The following MRPS9 variants were observed in gnomAD, a reference collection of about 807,000 sequenced individuals.
The protein encoded by MRPS9 is small ribosomal subunit protein uS9m.
Under a neutral mutation model 59.9 loss-of-function variants are expected in MRPS9, and 45 were observed. The ratio of observed to expected loss-of-function variants is 0.75; its 90% confidence interval spans 0.59 to 0.96. MRPS9 has a LOEUF of 0.96. Among genes scored for constraint, MRPS9 ranks in the 40% least tolerant of loss-of-function variants. The pLI is 0.00. For synonymous variants in MRPS9, 171 were observed against 166.8 expected, an observed-to-expected ratio of 1.03 and a Z score of -0.19; for missense variants, 473 against 481.1, an observed-to-expected ratio of 0.98 and a Z score of 0.16.
At chr2:105,075,164 C>T (rs1680185224) in intron 4 of MRPS9, among the ~76,000 whole-genome samples, 1 of 152,110 alleles carries the variant, frequency 6.6e-6, no homozygotes, top group African/African-American at 2.4e-5. Flanking sequence ...AATCTAATCG[C>T]ACTGTTGATC....
At chr2:105,082,850 G>A (rs967315971) in intron 5 of MRPS9, among the ~76,000 whole-genome samples, 6 of 152,204 alleles carry the variant, frequency 3.9e-5, no homozygotes, top group African/African-American at 1.4e-4. Context: ...TGGGAAAGTC[G>A]ATTAAAAACT....
At chr2:105,075,693 G>C (rs997167043) in intron 4 of MRPS9, among the ~76,000 whole-genome samples, 3 of 152,160 alleles carry the variant, frequency 2.0e-5, no homozygotes, top group Non-Finnish European at 2.9e-5. Context: ...GAGTATACCA[G>C]AGGGCCTTTT....
intron 2 of MRPS9, among the ~76,000 whole-genome samples, chr2:105,054,113 C>T (rs975306942): frequency 6.6e-6 from 1 of 152,090 alleles, no homozygotes; most frequent in African/African-American, 2.4e-5. Flanking sequence ...TAACTAGTGT[C>T]GTTGAGCAAG....
At chr2:105,078,172 T>C (rs1250858924) in intron 4 of MRPS9, among the ~76,000 whole-genome samples, 1 of 150,366 alleles carries the variant, frequency 6.7e-6, no homozygotes, top group Non-Finnish European at 1.5e-5. Flanking sequence ...AATTTTAATG[T>C]CTGACAGCAG....
intron 4 of MRPS9, among the ~76,000 whole-genome samples, chr2:105,075,804 T>C (rs1680199684): frequency 6.6e-6 from 1 of 152,200 alleles, no homozygotes; most frequent in Admixed American, 6.5e-5. Context: ...AAATTGAGCA[T>C]TAATTTTTTT....
chr2:105,079,109 C>T (rs1402324300), intron 4 of MRPS9, among the ~76,000 whole-genome samples: 1 of 152,138 alleles, frequency 6.6e-6, no homozygotes, highest in African/African-American at 2.4e-5. Flanking sequence ...AAAAACAAGT[C>T]ATGCTGCCGT....
chr2:105,091,445 T>A, intron 7 of MRPS9: 1 of 469,246 alleles, frequency 2.1e-6, no homozygotes, highest in South Asian at 1.6e-5. Flanking sequence ...TAGCTGAGTA[T>A]TTCACCCTTA....
Position 105,080,017 on chromosome 2 carries a change from C to T in MRPS9, c.444C>T (p.His148=), listed in dbSNP as rs778372187. 2 of 1,611,568 alleles carry T rather than the reference C, an allele frequency of 1.2e-6. No individual in the cohort carries two copies. ...IQWGEDGRPF[H]YLFYTGKQSY... is the part of the protein sequence containing the mutation. ...GGGGAGAAGATGGCCGTCCATTTCACTATCTCTTCTATACTGGCAAACAGT... is the reference window on the plus strand; with the variant it reads ...GGGGAGAAGATGGCCGTCCATTTCATTATCTCTTCTATACTGGCAAACAGT... Residue 148 remains histidine, a synonymous_variant, in exon 5 of 11, where the codon CAC becomes CAT. Transcript: ENST00000258455.
At chr2:105,092,180 ATC>A in intron 7 of MRPS9, 2 of 432,376 alleles carry the variant, frequency 4.6e-6, no homozygotes, top group Admixed American at 4.0e-5. Context: ...TGAATGATAA[ATC>A]TCTTTGTTTC....
At chr2:105,040,126 T>A (rs1307882486) in intron 1 of MRPS9, among the ~76,000 whole-genome samples, 1 of 152,350 alleles carries the variant, frequency 6.6e-6, no homozygotes, top group South Asian at 2.1e-4. Flanking sequence ...TAGATTCTTA[T>A]GATTGCATAC....
Position 105,097,145 on chromosome 2 carries a change from T to C in MRPS9, c.930-10T>C. ...TAAACGTAACCACATTTACTTGTGC[T>C]GTGCTTTAGAGAACAGCTGATGTTC... On this transcript the variant is annotated splice_polypyrimidine_tract_variant and intron_variant, in intron 9 of 10. Transcript: ENST00000258455. 6.6e-7 allele frequency: 1 copy of C among 1,516,366 alleles called. No individual in the cohort carries two copies. Among genetic ancestry groups the C allele is most frequent in the Non-Finnish European group, 8.8e-7 (1 of 1,129,984 alleles). 93.9% of individuals were successfully genotyped at this position (1,516,366 alleles called of 1,614,324 possible).
intron 2 of MRPS9, among the ~76,000 whole-genome samples, chr2:105,061,192 C>T (rs969321462): frequency 2.7e-5 from 4 of 148,886 alleles, no homozygotes; most frequent in African/African-American, 7.4e-5. Flanking sequence ...AAATAAACCT[C>T]AAGTTACAAT....
chr2:105,044,005 G>A (rs1006514881), intron 1 of MRPS9, among the ~76,000 whole-genome samples: 4 of 148,466 alleles, frequency 2.7e-5, no homozygotes, highest in South Asian at 2.1e-4. Flanking sequence ...GTGTGATTTC[G>A]GCTCACTGCA....
chr2:105,057,965 C>G (rs6761556), intron 2 of MRPS9, among the ~76,000 whole-genome samples: 151,345 of 152,326 alleles, frequency 0.99, 75,190 homozygotes, highest in Middle Eastern at 1. Context: ...ATATAGCACT[C>G]CTGAAGTCTA....
chr2:105,093,058 G>A (rs1489711636), intron 8 of MRPS9, among the ~76,000 whole-genome samples: 3 of 152,090 alleles, frequency 2.0e-5, no homozygotes, highest in East Asian at 1.9e-4. Context: ...AAGATTTCAC[G>A]TCATTGTCAT....
chr2:105,046,925 C>A (rs1054214929), intron 1 of MRPS9, among the ~76,000 whole-genome samples: 1 of 151,994 alleles, frequency 6.6e-6, no homozygotes, highest in African/African-American at 2.4e-5. Flanking sequence ...AAGATAATTT[C>A]TCTTCACTTT....
chr2:105,093,486 A>T, intron 8 of MRPS9, 44 bp from the exon 9 acceptor site: 2 of 1,157,142 alleles, frequency 1.7e-6, no homozygotes, highest in Non-Finnish European at 2.5e-6. Flanking sequence ...CTCAAAGCGC[A>T]GGTCTTCAAG....
intron 5 of MRPS9, among the ~76,000 whole-genome samples, chr2:105,088,487 A>C (rs114492168): frequency 0.01 from 1,585 of 152,240 alleles, 24 homozygotes; most frequent in African/African-American, 0.037. Context: ...TTTTTAAGAT[A>C]AAAACTATAT....
intron 9 of MRPS9, 89 bp from the exon 10 acceptor site, chr2:105,097,066 G>A (rs1305828776): frequency 3.0e-6 from 4 of 1,312,472 alleles, no homozygotes; most frequent in Admixed American, 5.7e-5. Flanking sequence ...GCAGAATATT[G>A]TTTTTATGAA....
Sources: gnomAD v4.1 joint callset for allele counts (sites outside exome capture counted in the v4.1 genomes callset) on GRCh38, gnomAD v4.1.1 for gene constraint, MANE v1.5 for transcripts, NCBI Gene and HGNC (gene_info 2026-07-23, HGNC 2026-07-21) for gene names.